The following ADGRV1 variants were observed in gnomAD, a reference collection of about 807,000 sequenced individuals.
ADGRV1 encodes the protein adhesion G protein-coupled receptor V1.
In ADGRV1, 359 loss-of-function variants were observed where a neutral mutation model predicts 596.2. The ratio of observed to expected loss-of-function variants is 0.60; its 90% CI spans 0.55 to 0.66. The LOEUF is 0.66. ADGRV1 is among the 30% of genes least tolerant of loss of function. The probability of loss-of-function intolerance (pLI) is 0.00; values close to 1 mark genes in which losing one functional copy is unlikely to be tolerated. For synonymous variants in ADGRV1, 2,681 were observed against 2,679.2 expected (o/e 1.00, Z -0.02); for missense variants, 7,274 against 7,575.6 (o/e 0.96, Z 1.48).
intron 85 of ADGRV1, among the ~76,000 whole-genome samples, chr5:90,998,282 T>C (rs1562066666): frequency 1.3e-5 from 2 of 152,236 alleles, no homozygotes; most frequent in Non-Finnish European, 2.9e-5. Context: ...TGAGTGCTGC[T>C]GTACTAGAAT....
chr5:90,633,174 A>G (rs17614588), intron 9 of ADGRV1, among the ~76,000 whole-genome samples: 10,691 of 152,226 alleles, frequency 0.07, 433 homozygotes, highest in Non-Finnish European at 0.092. Context: ...GAGCAGTTTG[A>G]TTTAGCAGAT....
intron 59 of ADGRV1, among the ~76,000 whole-genome samples, chr5:90,770,449 G>A (rs567408127): frequency 5.3e-5 from 8 of 152,204 alleles, no homozygotes; most frequent in South Asian, 2.1e-4. Flanking sequence ...GGTTCATGGC[G>A]TGGAATGTGT....
At chr5:90,786,940 C>T (rs945414477) in intron 67 of ADGRV1, among the ~76,000 whole-genome samples, 1 of 152,058 alleles carries the variant, frequency 6.6e-6, no homozygotes, top group Non-Finnish European at 1.5e-5. Flanking sequence ...AAGATGTTGA[C>T]ACATGGGGAG....
chr5:90,990,651 C>A (rs919239717), intron 85 of ADGRV1, among the ~76,000 whole-genome samples: 2 of 152,148 alleles, frequency 1.3e-5, no homozygotes, highest in African/African-American at 4.8e-5. Context: ...GGTTTGGAGA[C>A]CCCTAAAGGA....
At chr5:90,671,698 G>C (rs1772487963) in intron 21 of ADGRV1, among the ~76,000 whole-genome samples, 1 of 151,990 alleles carries the variant, frequency 6.6e-6, no homozygotes. Flanking sequence ...ATTAAAACTT[G>C]TATTTTTATC....
chr5:90,916,313 T>A (rs1213498291), intron 83 of ADGRV1, among the ~76,000 whole-genome samples: 1 of 152,218 alleles, frequency 6.6e-6, no homozygotes, highest in East Asian at 1.9e-4. Flanking sequence ...GACTTAACAT[T>A]TAAATATATG....
At chr5:90,908,590 C>T (rs1772542613) in intron 83 of ADGRV1, among the ~76,000 whole-genome samples, 1 of 152,038 alleles carries the variant, frequency 6.6e-6, no homozygotes, top group Admixed American at 6.5e-5. Context: ...TTTTGCTTGC[C>T]TTTACTTTGA....
At chr5:91,054,063 G>A (rs946230894) in intron 85 of ADGRV1, among the ~76,000 whole-genome samples, 6 of 137,308 alleles carry the variant, frequency 4.4e-5, no homozygotes, top group Non-Finnish European at 6.2e-5. Flanking sequence ...CAACTACTCT[G>A]TGTGTGTTTG....
intron 83 of ADGRV1, 91 bp from the exon 84 acceptor site, chr5:90,965,324 T>C (rs1352018298): frequency 6.4e-6 from 5 of 786,474 alleles, no homozygotes; most frequent in Admixed American, 4.0e-5. Context: ...AATCACTGAG[T>C]CATAGATTTA....
chr5:90,857,055 A>C (rs2150422064), intron 82 of ADGRV1, among the ~76,000 whole-genome samples: 1 of 152,184 alleles, frequency 6.6e-6, no homozygotes, highest in South Asian at 2.1e-4. Flanking sequence ...TATAGTTATA[A>C]ATTTTCTTTA....
At position 91,009,044 on chromosome 5, in the gene ADGRV1, T is replaced by C. The variant is rs181534296; in HGVS notation, c.18152+23522T>C. Among the ~76,000 whole-genome samples the C allele has an allele frequency of 7.6e-4, 115 of 152,304 alleles. 2 individuals carry two copies. Among genetic ancestry groups the C allele is most frequent in the Non-Finnish European group, 2.2e-4 (15 of 68,016 alleles). On this transcript the variant is annotated intron_variant, in intron 85 of 89. Transcript: ENST00000405460. The stretch of plus-strand genomic sequence containing the variant: ...AATTGATACTGATGTTATCCTCAGA[T>C]AATCTGTTGCATTTATATGCAGCTT...
rs1185532852 is a variant in ADGRV1 at position 90,569,354 on chromosome 5, G to GAT, written c.22+10470_22+10471dup. Among the ~76,000 whole-genome samples, 97 of 12,780 alleles carry GAT rather than the reference G, an allele frequency of 7.6e-3. 1 individual carries two copies. Among genetic ancestry groups the GAT allele is most frequent in the Non-Finnish European group, 0.011 (77 of 7,272 alleles). The allele number at this position is 12,780 out of a possible 152,430, so 8.4% of individuals were successfully genotyped here. A position where few individuals can be genotyped will look rare whatever the true frequency, so the allele number is the denominator to read the frequency against. ...GCTTTCTTTTGGTTTCTGTTTGCATGATATATATATATATATATATATATA... is the reference window on the plus strand; with the variant it reads ...GCTTTCTTTTGGTTTCTGTTTGCATGATATATATATATATATATATATATATA... On this transcript the variant is annotated intron_variant, in intron 1 of 89. Coordinates refer to ENST00000405460, the MANE Select transcript of ADGRV1 (RefSeq NM_032119.4).
Position 90,647,507 on chromosome 5 carries a change from T to C in ADGRV1, c.3032T>C (p.Val1011Ala), listed in dbSNP as rs1013574081. The C allele has an allele frequency of 1.2e-6, 2 of 1,611,050 alleles. No individual in the cohort carries two copies. The highest frequency in any genetic ancestry group is 2.7e-5 in the African/African-American group (2 of 74,790). ...TTTGTGGATATTTCAGAACCTCGTGTAGTGAGGGTTCAGGAAGGTGAGACT... is the reference window on the plus strand; with the variant it reads ...TTTGTGGATATTTCAGAACCTCGTGCAGTGAGGGTTCAGGAAGGTGAGACT... The part of the protein sequence containing the change: ...DDPIYFAEPR[V>A]VRVQEGETAN... Residue 1011 changes from valine (V) to alanine (A), a missense_variant, in exon 17 of 90, where the codon GTA (valine) becomes GCA (alanine). Val to Ala is a moderately conservative substitution (Grantham distance 64, BLOSUM62 0). Around this residue, in one of 5 missense-constraint regions of ADGRV1, gnomAD observed 1,715 missense variants for 1,708.8 expected, o/e 1.00. Coordinates refer to ENST00000405460, the MANE Select transcript of ADGRV1 (RefSeq NM_032119.4).
Position 90,845,935 on chromosome 5 carries a change from A to G in ADGRV1, c.17020-2702A>G, listed in dbSNP as rs148037682. 5.0e-3 allele frequency among the ~76,000 whole-genome samples: 759 copies of G among 152,222 alleles called. 3 individuals carry two copies. The highest frequency in any genetic ancestry group is 8.5e-3 in the Non-Finnish European group (579 of 68,006). On this transcript the variant is annotated intron_variant, in intron 78 of 89. Coordinates refer to ENST00000405460, the MANE Select transcript of ADGRV1 (RefSeq NM_032119.4). ...CTCTGTCTCCATTTGTAATTTTTGC[A>G]TTGCTAAATTTTTATTCTGTGTCTT... is the stretch of plus-strand genomic sequence containing the variant.
At chr5:90,572,796 A>G (rs1169763978) in intron 1 of ADGRV1, among the ~76,000 whole-genome samples, 2 of 152,196 alleles carry the variant, frequency 1.3e-5, no homozygotes, top group African/African-American at 4.8e-5. Context: ...GATCTCCTGT[A>G]CTGTGAGAGA....
intron 70 of ADGRV1, chr5:90,791,772 T>C: frequency 6.4e-6 from 1 of 156,606 alleles, no homozygotes; most frequent in Non-Finnish European, 1.4e-5. Flanking sequence ...ATACAGAGAC[T>C]GGTAACTGCT....
rs1221204195 is a variant in ADGRV1, at chr5:90,676,443, C to T, written c.5443+234C>T. Reference sequence around the variant, plus strand: ...TATCAATCATTTTTGATTGATAATCCCTTTCTTGGTAAAAAGAAAATTTTC... The same window carrying T: ...TATCAATCATTTTTGATTGATAATCTCTTTCTTGGTAAAAAGAAAATTTTC... On this transcript the variant is annotated intron_variant, in intron 25 of 89. Transcript: ENST00000405460. Among the ~76,000 whole-genome samples the T allele has an allele frequency of 3.3e-5, 5 of 151,698 alleles. No homozygotes were observed. The East Asian group carries it at 7.7e-4, about 23-fold the overall frequency.
At chr5:91,022,255 T>A (rs1783699699) in intron 85 of ADGRV1, among the ~76,000 whole-genome samples, 1 of 152,088 alleles carries the variant, frequency 6.6e-6, no homozygotes, top group South Asian at 2.1e-4. Flanking sequence ...TAATCTAGAA[T>A]CTATGATGAC....
At position 90,788,129 on chromosome 5, in the gene ADGRV1, A is replaced by G. The variant is rs876657820; in HGVS notation, c.13712A>G (p.Asp4571Gly). ...GAAGCCTTACTGCCACAGAATAGAG[A>G]CATTGCAGACCCAGTGAGCGGGTTG... is the stretch of plus-strand genomic sequence containing the variant. ...SQEALLPQNR[D>G]IADPVSGLFY... is the part of the protein sequence containing the mutation. Residue 4571 changes from aspartate (D) to glycine (G), a missense_variant, in exon 68 of 90, where the codon GAC becomes GGC. Coordinates refer to ENST00000405460, the MANE Select transcript of ADGRV1 (RefSeq NM_032119.4). 6 of 1,613,584 alleles carry G rather than the reference A, an allele frequency of 3.7e-6. No homozygotes were observed. The highest frequency in any genetic ancestry group is 5.1e-6 in the Non-Finnish European group (6 of 1,179,572).
Sources: gnomAD v4.1 joint callset for allele counts (sites outside exome capture counted in the v4.1 genomes callset) on GRCh38, gnomAD v4.1.1 for gene constraint, gnomAD v4.1.1 regional missense constraint, MANE v1.5 for transcripts, NCBI Gene and HGNC (gene_info 2026-07-23, HGNC 2026-07-21) for gene names.